PRKCB: variants seen among roughly 807,000 people sequenced by gnomAD.
PRKCB encodes protein kinase C beta type.
Under a neutral mutation model 81.5 loss-of-function variants are expected in PRKCB, and 13 were observed. The ratio of observed to expected loss-of-function variants is 0.16; its 90% confidence interval spans 0.10 to 0.25. PRKCB has a LOEUF of 0.25. PRKCB is among the 10% of genes least tolerant of loss of function. PRKCB has a pLI of 1.00. For missense variants in PRKCB, 509 were observed against 875.7 expected (o/e 0.58, Z 5.29); for synonymous variants, 335 against 321.4 (o/e 1.04, Z -0.45).
intron 2 of PRKCB, among the ~76,000 whole-genome samples, chr16:23,868,497 T>C (rs1172704059): frequency 2.0e-5 from 3 of 152,376 alleles, no homozygotes; most frequent in African/African-American, 7.2e-5. Flanking sequence ...ATTTTCACAA[T>C]GACCTATCAG....
intron 3 of PRKCB, among the ~76,000 whole-genome samples, chr16:23,990,982 T>C (rs137970011): frequency 0.018 from 2,716 of 152,344 alleles, 34 homozygotes; most frequent in Non-Finnish European, 0.026. Flanking sequence ...GTTCTCTTAC[T>C]TTGTTTCTGC....
intron 10 of PRKCB, among the ~76,000 whole-genome samples, chr16:24,164,468 T>A (rs183450339): frequency 6.6e-6 from 1 of 152,334 alleles, no homozygotes; most frequent in Admixed American, 6.5e-5. Context: ...AATAGTGTAA[T>A]GAAGAATCAC....
At chr16:23,916,781 A>G (rs1963747630) in intron 2 of PRKCB, among the ~76,000 whole-genome samples, 1 of 152,004 alleles carries the variant, frequency 6.6e-6, no homozygotes, top group Non-Finnish European at 1.5e-5. Context: ...TTTTTTTGAA[A>G]CAGAGTCTGG....
At chr16:24,110,707 A>G (rs1966665683) in intron 7 of PRKCB, among the ~76,000 whole-genome samples, 2 of 151,544 alleles carry the variant, frequency 1.3e-5, no homozygotes, top group Non-Finnish European at 2.9e-5. Flanking sequence ...TTTTGTAGAG[A>G]CAGGGTCTCG....
chr16:23,980,895 T>A (rs1964691057), intron 2 of PRKCB, among the ~76,000 whole-genome samples: 1 of 151,600 alleles, frequency 6.6e-6, no homozygotes, highest in South Asian at 2.1e-4. Context: ...GAGTTAGGGG[T>A]GAAGTGCAGT....
At chr16:24,214,157 T>C (rs1039988427) in intron 16 of PRKCB, among the ~76,000 whole-genome samples, 7 of 152,232 alleles carry the variant, frequency 4.6e-5, no homozygotes, top group Non-Finnish European at 8.8e-5. Flanking sequence ...AAACATCCAC[T>C]GCTCCTGATT....
chr16:24,163,737 C>A (rs1967300224), intron 10 of PRKCB, among the ~76,000 whole-genome samples: 2 of 152,202 alleles, frequency 1.3e-5, no homozygotes, highest in South Asian at 4.1e-4. Context: ...TTGGGTAAGG[C>A]TTTTTGAGTT....
chr16:24,145,925 G>T lies in PRKCB; in HGVS notation c.1066-8759G>T, dbSNP rs527283287. Reference sequence around the variant, plus strand: ...ATTTCTAATGAAGGTTGCCTCACTTGGACATAGGGTCTTTGCAGTTATAAG... The same window carrying T: ...ATTTCTAATGAAGGTTGCCTCACTTTGACATAGGGTCTTTGCAGTTATAAG... On this transcript the variant is annotated intron_variant, in intron 9 of 16. Coordinates refer to ENST00000643927, the MANE Select transcript of PRKCB (RefSeq NM_002738.7). Among the ~76,000 whole-genome samples the T allele has an allele frequency of 9.8e-5, 15 of 152,308 alleles. No homozygotes were observed. In the South Asian group the frequency reaches 3.1e-3, roughly 32 times the overall value.
At chr16:24,056,897 C>T (rs1305043959) in intron 5 of PRKCB, among the ~76,000 whole-genome samples, 1 of 152,194 alleles carries the variant, frequency 6.6e-6, no homozygotes, top group African/African-American at 2.4e-5. Flanking sequence ...CGGATGAACA[C>T]AGCCTATTTC....
rs116345778 is a variant in PRKCB at position 24,035,540 on chromosome 16, T to C, written c.522T>C (p.Ile174=). The stretch of plus-strand genomic sequence containing the variant: ...CCCACATCGACAGGGACGTCCTCAT[T>C]GTCCTCGGTAGGTGGCCCTGGGGCT... The part of the protein sequence containing the change: ...IQAHIDRDVL[I]VLVRDAKNLV... The change falls in exon 5 of 17, where the codon ATT becomes ATC. Residue 174 remains isoleucine (I), a synonymous_variant. Transcript: ENST00000643927. 3.5e-3 allele frequency: 5,664 copies of C among 1,597,342 alleles called. 65 individuals carry two copies. The highest frequency in any genetic ancestry group is 0.022 in the South Asian group (2,036 of 90,770).
At chr16:23,863,247 T>C (rs1307220837) in intron 2 of PRKCB, among the ~76,000 whole-genome samples, 6,408 of 70,582 alleles carry the variant, frequency 0.091, 191 homozygotes, top group African/African-American at 0.12. Flanking sequence ...TATACATATA[T>C]ATACACATAC....
chr16:24,063,316 A>G (rs1454681384), intron 5 of PRKCB, among the ~76,000 whole-genome samples: 2 of 144,808 alleles, frequency 1.4e-5, no homozygotes, highest in African/African-American at 2.6e-5. Flanking sequence ...TTTTTTTGAG[A>G]TGGAGTCTCA....
intron 9 of PRKCB, among the ~76,000 whole-genome samples, chr16:24,153,283 C>T (rs899149293): frequency 4.6e-5 from 7 of 152,178 alleles, no homozygotes; most frequent in African/African-American, 1.4e-4. Flanking sequence ...CCCTTACCCT[C>T]CTGAGCCTTA....
At chr16:24,021,028 CTTT>C (rs1965364151) in intron 3 of PRKCB, among the ~76,000 whole-genome samples, 2 of 140,416 alleles carry the variant, frequency 1.4e-5, no homozygotes, top group African/African-American at 2.8e-5. Context: ...TTCTTTCTTT[CTTT>C]CTTTCTTTCT....
chr16:24,046,856 C>A (rs1965772873), intron 5 of PRKCB, among the ~76,000 whole-genome samples: 1 of 152,080 alleles, frequency 6.6e-6, no homozygotes, highest in Admixed American at 6.5e-5. Flanking sequence ...CCCAAAACCA[C>A]CCAGTGGGGG....
intron 2 of PRKCB, among the ~76,000 whole-genome samples, chr16:23,872,619 G>T (rs1849556270): frequency 6.6e-6 from 1 of 152,140 alleles, no homozygotes; most frequent in South Asian, 2.1e-4. Context: ...TCCTAGTTGG[G>T]TCACTTTTGG....
chr16:23,871,622 G>C (rs1401400561), intron 2 of PRKCB, among the ~76,000 whole-genome samples: 1 of 151,936 alleles, frequency 6.6e-6, no homozygotes, highest in Non-Finnish European at 1.5e-5. Flanking sequence ...GTGTTGCCCA[G>C]GATGAAGTGC....
chr16:24,139,814 A>G (rs1183332359), intron 9 of PRKCB, among the ~76,000 whole-genome samples: 1 of 152,238 alleles, frequency 6.6e-6, no homozygotes, highest in Non-Finnish European at 1.5e-5. Context: ...GCCAAGTTGT[A>G]TCATCCGAGT....
At chr16:24,162,751 G>A (rs1049013191) in intron 10 of PRKCB, among the ~76,000 whole-genome samples, 1 of 152,094 alleles carries the variant, frequency 6.6e-6, no homozygotes, top group Admixed American at 6.5e-5. Flanking sequence ...ACCGCGCCCA[G>A]CCTGGAGAGG....
Sources: gnomAD v4.1 joint callset for allele counts (sites outside exome capture counted in the v4.1 genomes callset) on GRCh38, gnomAD v4.1.1 for gene constraint, MANE v1.5 for transcripts, NCBI Gene and HGNC (gene_info 2026-07-23, HGNC 2026-07-21) for gene names.